SORCS2: variants seen among roughly 807,000 people sequenced by gnomAD.
SORCS2 encodes the protein VPS10 domain-containing receptor SorCS2.
In SORCS2, 100 loss-of-function variants were observed where a neutral mutation model predicts 141.6. That is an observed-to-expected ratio of 0.71 (90% CI 0.60 to 0.83). The LOEUF is 0.83. Among genes scored for constraint, SORCS2 ranks in the 40% least tolerant of loss-of-function variants. The probability of loss-of-function intolerance (pLI) is 0.00; values close to 1 mark genes in which losing one functional copy is unlikely to be tolerated. For synonymous variants in SORCS2, 789 were observed against 676.9 expected (o/e 1.17, Z -2.57); for missense variants, 1,646 against 1,560.2 (o/e 1.05, Z -0.93).
intron 2 of SORCS2, among the ~76,000 whole-genome samples, chr4:7,461,496 A>G (rs1015641014): frequency 6.6e-6 from 1 of 152,252 alleles, no homozygotes; most frequent in Non-Finnish European, 1.5e-5. Context: ...CAACATGTGT[A>G]CATGGACTCA....
chr4:7,290,589 C>T (rs1716535305), intron 1 of SORCS2, among the ~76,000 whole-genome samples: 1 of 152,198 alleles, frequency 6.6e-6, no homozygotes, highest in African/African-American at 2.4e-5. Context: ...TTGCAGTGAA[C>T]CATACTCTGC....
At position 7,233,454 on chromosome 4, in the gene SORCS2, C is replaced by T. The variant is rs1410295180; in HGVS notation, c.480+40328C>T. On this transcript the variant is annotated intron_variant, in intron 1 of 26. Coordinates refer to ENST00000507866, the MANE Select transcript of SORCS2 (RefSeq NM_020777.3). The surrounding 1 kb of genome is among the most constrained non-coding windows in gnomAD (Gnocchi z 4.5). Reference sequence around the variant, plus strand: ...TGCCATCCTGTTTCCATCCAGGGGCCCGGACACTGGGCCACAGTGCAGTAC... The same window carrying T: ...TGCCATCCTGTTTCCATCCAGGGGCTCGGACACTGGGCCACAGTGCAGTAC... 6.6e-6 allele frequency among the ~76,000 whole-genome samples: 1 copy of T among 151,838 alleles called. No homozygotes were observed. Among genetic ancestry groups the T allele is most frequent in the Non-Finnish European group, 1.5e-5 (1 of 68,000 alleles).
chr4:7,549,328 G>A (rs994717163), intron 3 of SORCS2, among the ~76,000 whole-genome samples: 7 of 152,070 alleles, frequency 4.6e-5, no homozygotes, highest in Non-Finnish European at 8.8e-5. Context: ...GGAACTCCCA[G>A]CCTGCCTTTT....
At chr4:7,554,110 GA>G (rs5855973) in intron 3 of SORCS2, among the ~76,000 whole-genome samples, 146,527 of 152,082 alleles carry the variant, frequency 0.96, 70,810 homozygotes, top group East Asian at 1. Context: ...AAATCATACG[GA>G]AAGGCCATAA....
chr4:7,572,915 G>A (rs1005665111), intron 3 of SORCS2, among the ~76,000 whole-genome samples: 3 of 152,138 alleles, frequency 2.0e-5, no homozygotes, highest in Non-Finnish European at 2.9e-5. Flanking sequence ...TATAAGCGAC[G>A]GACAACATTT....
chr4:7,554,906 C>G (rs1713992435), intron 3 of SORCS2, among the ~76,000 whole-genome samples: 1 of 152,144 alleles, frequency 6.6e-6, no homozygotes, highest in Non-Finnish European at 1.5e-5. Context: ...GCAGAGTTCT[C>G]AGGAGAGCTG....
chr4:7,377,665 G>A (rs1233576053), intron 1 of SORCS2, among the ~76,000 whole-genome samples: 1 of 152,190 alleles, frequency 6.6e-6, no homozygotes, highest in East Asian at 1.9e-4. Flanking sequence ...CTTCACCCAG[G>A]ATGGCAGAAT....
intron 2 of SORCS2, among the ~76,000 whole-genome samples, chr4:7,466,075 T>G (rs191893067): frequency 6.6e-6 from 1 of 152,322 alleles, no homozygotes; most frequent in African/African-American, 2.4e-5. Flanking sequence ...GGGTATTCAT[T>G]TATCCAGATT....
chr4:7,734,990 C>A (rs1175052206), intron 25 of SORCS2, among the ~76,000 whole-genome samples: 1 of 152,232 alleles, frequency 6.6e-6, no homozygotes, highest in Non-Finnish European at 1.5e-5. Context: ...CCTTCTGAGC[C>A]TGTTCCCTGG....
chr4:7,374,650 C>T (rs921642395), intron 1 of SORCS2, among the ~76,000 whole-genome samples: 4 of 152,142 alleles, frequency 2.6e-5, no homozygotes, highest in Admixed American at 6.5e-5. Flanking sequence ...TTCTCAGTAA[C>T]GACCAAGAGC....
intron 2 of SORCS2, among the ~76,000 whole-genome samples, chr4:7,449,555 T>C (rs540311520): frequency 1.2e-4 from 18 of 151,532 alleles, no homozygotes; most frequent in African/African-American, 3.9e-4. Context: ...CTGACAGGGC[T>C]TCTGCGACCC....
intron 1 of SORCS2, among the ~76,000 whole-genome samples, chr4:7,381,123 G>A (rs960140555): frequency 6.7e-6 from 1 of 149,942 alleles, no homozygotes; most frequent in Non-Finnish European, 1.5e-5. Context: ...AACAATGACA[G>A]CTTCATGATG....
chr4:7,517,514 C>T (rs1395827947), intron 2 of SORCS2, among the ~76,000 whole-genome samples: 2 of 152,124 alleles, frequency 1.3e-5, no homozygotes, highest in East Asian at 1.9e-4. Context: ...CAGCAGAAAC[C>T]GAATACAGTC....
At chr4:7,608,723 C>T (rs561339072) in intron 3 of SORCS2, among the ~76,000 whole-genome samples, 109 of 152,296 alleles carry the variant, frequency 7.2e-4, no homozygotes, top group South Asian at 1.5e-3. Context: ...GGCTGCCCTC[C>T]GGTCATGCCC....
chr4:7,696,022 G>A (rs1724687372), intron 11 of SORCS2, among the ~76,000 whole-genome samples: 1 of 152,026 alleles, frequency 6.6e-6, no homozygotes, highest in Non-Finnish European at 1.5e-5. Context: ...GTGGATTTAC[G>A]AGTAGCTAGG....
chr4:7,492,998 A>G (rs938614360), intron 2 of SORCS2, among the ~76,000 whole-genome samples: 2 of 152,192 alleles, frequency 1.3e-5, no homozygotes, highest in Non-Finnish European at 2.9e-5. Context: ...TAAAGTCTAA[A>G]TGATGCTCCT....
At chr4:7,735,805 G>A (rs1712116929) in intron 25 of SORCS2, among the ~76,000 whole-genome samples, 1 of 152,180 alleles carries the variant, frequency 6.6e-6, no homozygotes, top group East Asian at 1.9e-4. Flanking sequence ...CCCAGGTCAG[G>A]AATCCCACCT....
intron 1 of SORCS2, among the ~76,000 whole-genome samples, chr4:7,266,527 A>G (rs937072492): frequency 6.6e-6 from 1 of 152,188 alleles, no homozygotes; most frequent in African/African-American, 2.4e-5. Context: ...TCATTTGGGA[A>G]CAGTAGTTCC....
chr4:7,227,786 C>T (rs1047036117), intron 1 of SORCS2, among the ~76,000 whole-genome samples: 6 of 152,232 alleles, frequency 3.9e-5, no homozygotes, highest in Non-Finnish European at 5.9e-5. Flanking sequence ...AGCGGCTAAA[C>T]GCAGTTTTGT....
Sources: gnomAD v4.1 joint callset for allele counts (sites outside exome capture counted in the v4.1 genomes callset) on GRCh38, gnomAD v4.1.1 for gene constraint, Gnocchi (gnomAD v3.1) non-coding constraint, MANE v1.5 for transcripts, NCBI Gene and HGNC (gene_info 2026-07-23, HGNC 2026-07-21) for gene names.